The following TENM1 variants were observed in gnomAD, a reference collection of about 807,000 sequenced individuals.
TENM1 encodes the protein teneurin transmembrane protein 1.
In TENM1, 35 loss-of-function variants were observed where a neutral mutation model predicts 174.8. That is an observed-to-expected ratio of 0.20 (90% CI 0.15 to 0.27). The LOEUF is 0.27. Among genes scored for constraint, TENM1 ranks in the 10% least tolerant of loss-of-function variants. The pLI is 1.00. For missense variants in TENM1, 1,633 were observed against 2,130.1 expected, an observed-to-expected ratio of 0.77 and a Z score of 4.59; for synonymous variants, 781 against 798.7, an observed-to-expected ratio of 0.98 and a Z score of 0.37.
chrX:124,798,744 T>A (rs1286255399), intron 3 of TENM1, among the ~76,000 whole-genome samples: 1 of 112,059 alleles, frequency 8.9e-6, no homozygotes, highest in Non-Finnish European at 1.9e-5. Context: ...TTTGGTGTTT[T>A]AGTCATGAAG....
At chrX:124,851,641 C>G (rs1012026021) in intron 3 of TENM1, among the ~76,000 whole-genome samples, 1 of 110,638 alleles carries the variant, frequency 9.0e-6, no homozygotes, top group Non-Finnish European at 1.9e-5. Context: ...ATCCAAAAAC[C>G]ATTTAACCTT....
chrX:125,163,070 C>T, the TENM1 span, among the ~76,000 whole-genome samples: 13,091 of 111,116 alleles, frequency 0.12, 1,263 homozygotes, highest in African/African-American at 0.32. Flanking sequence ...CATTAACTTT[C>T]TCCTGGGCTG....
chrX:125,094,838 G>T, the TENM1 span, among the ~76,000 whole-genome samples: 4 of 112,001 alleles, frequency 3.6e-5, no homozygotes, highest in Non-Finnish European at 5.6e-5. Flanking sequence ...AGAACCTTGT[G>T]CAAATTAAAG....
At chrX:124,973,967 G>C in the TENM1 span, among the ~76,000 whole-genome samples, 4 of 111,545 alleles carry the variant, frequency 3.6e-5, no homozygotes, top group Non-Finnish European at 7.5e-5. Flanking sequence ...GGGGGAGTGG[G>C]AGAATAGGGG....
chrX:124,490,239 A>G (rs2147958618), intron 20 of TENM1, among the ~76,000 whole-genome samples: 1 of 111,890 alleles, frequency 8.9e-6, no homozygotes, highest in South Asian at 3.8e-4. Flanking sequence ...TCTTTGGGTG[A>G]GGTGGAGGGA....
the TENM1 span, among the ~76,000 whole-genome samples, chrX:125,139,915 G>C: frequency 2.7e-5 from 3 of 109,577 alleles, no homozygotes; most frequent in African/African-American, 1.0e-4. Flanking sequence ...GAGAGAAGTA[G>C]AGAGAGAGTA....
intron 1 of TENM1, among the ~76,000 whole-genome samples, chrX:124,930,887 G>A (rs1019770935): frequency 4.5e-5 from 5 of 111,827 alleles, no homozygotes; most frequent in African/African-American, 9.8e-5. Context: ...CTTAAGACAC[G>A]TGCTAATTCT....
intron 11 of TENM1, among the ~76,000 whole-genome samples, chrX:124,573,553 C>G (rs2049102988): frequency 8.9e-6 from 1 of 111,814 alleles, no homozygotes; most frequent in Admixed American, 9.5e-5. Flanking sequence ...ACTGACTGTT[C>G]TATTGAATAA....
chrX:124,948,656 G>A (rs1355795096), intron 1 of TENM1, among the ~76,000 whole-genome samples: 1 of 112,176 alleles, frequency 8.9e-6, no homozygotes, highest in Admixed American at 9.4e-5. Context: ...GGCTTCAAGC[G>A]ATTCTCCAGC....
intron 4 of TENM1, among the ~76,000 whole-genome samples, chrX:124,734,837 C>T (rs1253012480): frequency 1.8e-5 from 2 of 111,924 alleles, no homozygotes; most frequent in Non-Finnish European, 3.8e-5. Context: ...GTATATTATA[C>T]CCATTTTTTA....
At chrX:124,982,925 A>C in the TENM1 span, among the ~76,000 whole-genome samples, 1 of 112,189 alleles carries the variant, frequency 8.9e-6, no homozygotes, top group African/African-American at 3.2e-5. Context: ...TTGAGTCCAG[A>C]GTGAGCTCGG....
chrX:124,570,070 C>T (rs1318709332), intron 11 of TENM1, among the ~76,000 whole-genome samples: 1 of 111,190 alleles, frequency 9.0e-6, no homozygotes, highest in Non-Finnish European at 1.9e-5. Flanking sequence ...ATAAAACATC[C>T]TAAGACAATA....
intron 6 of TENM1, among the ~76,000 whole-genome samples, chrX:124,655,474 CA>C (rs756167162): frequency 1.3e-4 from 14 of 111,755 alleles, no homozygotes; most frequent in Non-Finnish European, 1.9e-5. Flanking sequence ...CCTCATTTCA[CA>C]TCACCTTTAT....
intron 1 of TENM1, among the ~76,000 whole-genome samples, chrX:124,934,323 A>G (rs1264006156): frequency 8.9e-6 from 1 of 112,286 alleles, no homozygotes; most frequent in Non-Finnish European, 1.9e-5. Context: ...CATGCATTTT[A>G]GAATAATGAA....
chrX:124,580,315 C>A (rs760174359), intron 11 of TENM1, among the ~76,000 whole-genome samples: 1 of 110,701 alleles, frequency 9.0e-6, no homozygotes, highest in South Asian at 3.8e-4. Flanking sequence ...CATGTGTGAA[C>A]CTGGAGGATG....
Position 124,411,167 on chromosome X carries a change from T to A in TENM1, c.4983-4678A>T, listed in dbSNP as rs1319455160. Among the ~76,000 whole-genome samples the A allele has an allele frequency of 4.5e-5, 5 of 111,885 alleles. No homozygotes were observed. The East Asian group carries it at 1.4e-3, about 31-fold the overall frequency. Reference sequence around the variant, plus strand: ...GTCTGATAAACATTTCAAAGCTTATTTCCAAGAGCACAGGCATATTCCTAC... The same window carrying A: ...GTCTGATAAACATTTCAAAGCTTATATCCAAGAGCACAGGCATATTCCTAC... On this transcript the variant is annotated intron_variant, in intron 25 of 31. Coordinates refer to ENST00000422452, the Ensembl canonical transcript of TENM1.
chrX:124,870,567 T>C (rs1361086042), intron 3 of TENM1, among the ~76,000 whole-genome samples: 1 of 110,445 alleles, frequency 9.1e-6, no homozygotes, highest in Non-Finnish European at 1.9e-5. Context: ...GGTGTAAGAG[T>C]GAAAACATGC....
At chrX:125,062,738 G>T in the TENM1 span, among the ~76,000 whole-genome samples, 18 of 111,802 alleles carry the variant, frequency 1.6e-4, no homozygotes, top group African/African-American at 5.9e-4. Flanking sequence ...CCTCATGAAA[G>T]ATTTCCAAGA....
chrX:125,136,382 A>G, the TENM1 span, among the ~76,000 whole-genome samples: 2 of 111,764 alleles, frequency 1.8e-5, no homozygotes, highest in Non-Finnish European at 3.8e-5. Context: ...TATTATTTTG[A>G]TATATACTTT....
Sources: gnomAD v4.1 joint callset for allele counts (sites outside exome capture counted in the v4.1 genomes callset) on GRCh38, gnomAD v4.1.1 for gene constraint, MANE v1.5 for transcripts, NCBI Gene and HGNC (gene_info 2026-07-23, HGNC 2026-07-21) for gene names.